The following BCL2L13 variants were observed in gnomAD, a reference collection of about 807,000 sequenced individuals.
BCL2L13 encodes the protein BCL2 like 13.
A neutral mutation model predicts 25.8 loss-of-function variants in BCL2L13; 13 were observed. The ratio of observed to expected loss-of-function variants is 0.50; its 90% CI spans 0.33 to 0.80. The LOEUF (loss-of-function observed/expected upper bound fraction) is 0.80. Among genes scored for constraint, BCL2L13 ranks in the 30% least tolerant of loss-of-function variants. The pLI, the probability that BCL2L13 is intolerant of heterozygous loss-of-function variation, is 0.02. For synonymous variants in BCL2L13, 244 were observed against 230.3 expected (o/e 1.06, Z -0.54); for missense variants, 504 against 574.9 (o/e 0.88, Z 1.26).
chr22:17,651,714 G>A (rs984551267), intron 1 of BCL2L13, among the ~76,000 whole-genome samples: 5 of 149,940 alleles, frequency 3.3e-5, no homozygotes, highest in African/African-American at 9.9e-5. Flanking sequence ...TTTTTGAGAC[G>A]GAGTCTCACT....
At chr22:17,639,128 C>T (rs2146368230) in intron 1 of BCL2L13, among the ~76,000 whole-genome samples, 1 of 152,320 alleles carries the variant, frequency 6.6e-6, no homozygotes, top group African/African-American at 2.4e-5. Flanking sequence ...CTTCTTCCGG[C>T]GTGGGGTGCC....
rs1426525597 is a variant in BCL2L13, at chr22:17,727,307, GAGA to G, written c.1234_1236del (p.Lys412del). 3.1e-6 allele frequency: 5 copies of G among 1,614,154 alleles called. No individual in the cohort carries two copies. The highest frequency in any genetic ancestry group is 2.7e-5 in the African/African-American group (2 of 74,956). ...GGAACCCACAGAAACGCTGCTGAGT[GAGA>G]AGGAGATAAACGCAAGGGAAGAGAG... On this transcript the variant is annotated inframe_deletion, in exon 7 of 7. Coordinates refer to ENST00000317582, the MANE Select transcript of BCL2L13 (RefSeq NM_015367.4).
At chr22:17,630,551 T>A (rs2057990065) in intron 1 of BCL2L13, among the ~76,000 whole-genome samples, 1 of 151,506 alleles carries the variant, frequency 6.6e-6, no homozygotes, top group African/African-American at 2.4e-5. Context: ...GTGCTGGGAT[T>A]ACAGGTGTGA....
chr22:17,649,501 C>A (rs1451481571), intron 1 of BCL2L13, among the ~76,000 whole-genome samples: 1 of 152,106 alleles, frequency 6.6e-6, no homozygotes, highest in African/African-American at 2.4e-5. Flanking sequence ...AGGGTTGTTG[C>A]TAAAGAGACT....
rs995576775 is a variant in BCL2L13 at position 17,644,044 on chromosome 22, G to C, written c.-51+5158G>C. Among the ~76,000 whole-genome samples, 9 of 151,202 alleles carry C rather than the reference G, an allele frequency of 6.0e-5. 1 individual carries two copies. The highest frequency in any genetic ancestry group is 1.7e-4 in the African/African-American group (7 of 40,620). On this transcript the variant is annotated intron_variant, in intron 1 of 6. Coordinates refer to ENST00000317582, the MANE Select transcript of BCL2L13 (RefSeq NM_015367.4). Reference sequence around the variant, plus strand: ...TCCTGGCTCAGCCTCCTGAGTAGCTGGGAATACAGATGCACACCGCCACAC... The same window carrying C: ...TCCTGGCTCAGCCTCCTGAGTAGCTCGGAATACAGATGCACACCGCCACAC...
Position 17,726,802 on chromosome 22 carries a change from T to G in BCL2L13, c.726T>G (p.Thr242=). ...SGQVSPPESP[T]VTTSWQSESL... Reference sequence around the variant, plus strand: ...AAGTCAGTCCCCCAGAGTCTCCAACTGTGACCACTTCCTGGCAGTCTGAGA... The same window carrying G: ...AAGTCAGTCCCCCAGAGTCTCCAACGGTGACCACTTCCTGGCAGTCTGAGA... The change falls in exon 7 of 7, where the codon ACT becomes ACG. Residue 242 remains threonine (T), a synonymous_variant. Transcript: ENST00000317582. The G allele has an allele frequency of 6.2e-7, 1 of 1,614,220 alleles. No homozygotes were observed. Among genetic ancestry groups the G allele is most frequent in the Non-Finnish European group, 8.5e-7 (1 of 1,180,054 alleles).
chr22:17,676,786 CAG>C (rs2059587287), intron 2 of BCL2L13, among the ~76,000 whole-genome samples: 1 of 152,100 alleles, frequency 6.6e-6, no homozygotes, highest in Non-Finnish European at 1.5e-5. Flanking sequence ...TAATTATAAA[CAG>C]TAATGGAGAT....
At chr22:17,655,390 A>G (rs542840835) in intron 1 of BCL2L13, among the ~76,000 whole-genome samples, 19 of 151,064 alleles carry the variant, frequency 1.3e-4, no homozygotes, top group African/African-American at 4.6e-4. Context: ...AGTATTATCA[A>G]GTATTATGTA....
chr22:17,683,202 T>C lies in BCL2L13; in HGVS notation c.122-12T>C, dbSNP rs1173769783. ...TCCCTCTTTCAATAATAACCTTTTT[T>C]GTTGCTTTCAGGGGTTCAACTAGAT... On this transcript the variant is annotated splice_polypyrimidine_tract_variant and intron_variant, in intron 2 of 6. Transcript: ENST00000317582. The C allele has an allele frequency of 7.1e-7, 1 of 1,410,164 alleles. No individual in the cohort carries two copies. Among genetic ancestry groups the C allele is most frequent in the Non-Finnish European group, 9.9e-7 (1 of 1,007,836 alleles). 87.4% of individuals were successfully genotyped at this position (1,410,164 alleles called of 1,614,324 possible). A position where few individuals can be genotyped will look rare whatever the true frequency, so the allele number is the denominator to read the frequency against.
At chr22:17,707,004 G>A (rs1024013080) in intron 6 of BCL2L13, among the ~76,000 whole-genome samples, 2 of 152,122 alleles carry the variant, frequency 1.3e-5, no homozygotes, top group Non-Finnish European at 2.9e-5. Context: ...TCTGATTTTA[G>A]AATAGGTTTT....
At chr22:17,673,361 C>CTTTTTTTTTTTTT (rs35861622) in intron 2 of BCL2L13, among the ~76,000 whole-genome samples, 1 of 115,510 alleles carries the variant, frequency 8.7e-6, no homozygotes, top group African/African-American at 3.4e-5. Context: ...TCTTTTCTTT[C>CTTTTTTTTTTTTT]TTTTTTTTTT....
In BCL2L13 at chr22:17,729,239, T is replaced by A. The variant is rs2061363951; in HGVS notation, c.*1705T>A. 6.6e-6 allele frequency: 1 copy of A among 151,830 alleles called. No homozygotes were observed. Among genetic ancestry groups the A allele is most frequent in the African/African-American group, 2.4e-5 (1 of 41,268 alleles). The allele number at this position is 151,830 out of a possible 1,614,324, so 9.4% of individuals were successfully genotyped here. A position where few individuals can be genotyped will look rare whatever the true frequency, so the allele number is the denominator to read the frequency against. On this transcript the variant is annotated 3_prime_UTR_variant, in exon 7 of 7. Coordinates refer to ENST00000317582, the MANE Select transcript of BCL2L13 (RefSeq NM_015367.4). ...AATTGGTCAAAACAAGGTCTGGGAG[T>A]ATGTTTGTGTGTCTTTCCAGCTTTA...
intron 1 of BCL2L13, among the ~76,000 whole-genome samples, chr22:17,646,888 TTGTGTGTGTGTGTGTGTGTG>T (rs71201853): frequency 3.3e-5 from 3 of 89,922 alleles, no homozygotes; most frequent in Admixed American, 1.7e-4. Flanking sequence ...CCCAGCTAAT[TTGTGTGTGTGTGTGTGTGTG>T]TGTGTGTGTG....
At chr22:17,629,945 G>A (rs1005278197) in intron 1 of BCL2L13, among the ~76,000 whole-genome samples, 2 of 151,986 alleles carry the variant, frequency 1.3e-5, no homozygotes, top group Non-Finnish European at 2.9e-5. Flanking sequence ...CGGGCCAGGC[G>A]CGGTGTCTCA....
intron 5 of BCL2L13, among the ~76,000 whole-genome samples, chr22:17,701,419 C>A (rs557339565): frequency 2.6e-5 from 4 of 152,216 alleles, no homozygotes; most frequent in African/African-American, 7.2e-5. Flanking sequence ...TTTCTGGAGA[C>A]CCTGTAGGAT....
rs1290700107 is a variant in BCL2L13 at position 17,699,573 on chromosome 22, A to G, written c.457-2670A>G. Among the ~76,000 whole-genome samples the G allele has an allele frequency of 3.3e-5, 5 of 152,204 alleles. No individual in the cohort carries two copies. In the East Asian group the frequency reaches 9.6e-4, roughly 29 times the overall value. ...TAGCATTTCATTGCAAAAACAATTGAAGAAAAAAAATTATATATGATGTGG... is the reference window on the plus strand; with the variant it reads ...TAGCATTTCATTGCAAAAACAATTGGAGAAAAAAAATTATATATGATGTGG... On this transcript the variant is annotated intron_variant, in intron 5 of 6. Transcript: ENST00000317582.
At chr22:17,708,636 AC>A (rs1268505252) in intron 6 of BCL2L13, among the ~76,000 whole-genome samples, 1 of 152,186 alleles carries the variant, frequency 6.6e-6, no homozygotes, top group African/African-American at 2.4e-5. Context: ...TTATTTAAAA[AC>A]AAAAACAAAA....
chr22:17,639,538 G>A (rs946629037), intron 1 of BCL2L13, among the ~76,000 whole-genome samples: 1 of 152,100 alleles, frequency 6.6e-6, no homozygotes, highest in African/African-American at 2.4e-5. Flanking sequence ...CTAACCTAGC[G>A]TTGAAAATCG....
Position 17,727,740 on chromosome 22 carries a change from G to T in BCL2L13, c.*206G>T, listed in dbSNP as rs942920912. ...CTGACTGTAAATCCCAAGGGCCTCC[G>T]CTCATGCTAAATTGAGAATCTTAGG... is the stretch of plus-strand genomic sequence containing the variant. On this transcript the variant is annotated 3_prime_UTR_variant, in exon 7 of 7. Transcript: ENST00000317582. 8.9e-6 allele frequency: 6 copies of T among 671,088 alleles called. No homozygotes were observed. The highest frequency in any genetic ancestry group is 1.8e-5 in the African/African-American group (1 of 55,144). 41.6% of individuals were successfully genotyped at this position (671,088 alleles called of 1,614,324 possible).
Sources: allele counts gnomAD v4.1 joint callset (sites outside exome capture counted in the v4.1 genomes callset), GRCh38; gene constraint gnomAD v4.1.1; transcripts MANE v1.5; gene names NCBI Gene and HGNC (gene_info 2026-07-23, HGNC 2026-07-21).